Variants in SEMA6D observed in about 807,000 individuals in gnomAD.
SEMA6D encodes semaphorin-6D.
Under a neutral mutation model 106.6 loss-of-function variants are expected in SEMA6D, and 35 were observed. The observed-to-expected ratio is 0.33, with a 90% CI of 0.25 to 0.44. SEMA6D has a LOEUF of 0.44. SEMA6D is among the 20% of genes least tolerant of loss of function. The probability of loss-of-function intolerance (pLI) is 1.00; values close to 1 mark genes in which losing one functional copy is unlikely to be tolerated. For missense variants in SEMA6D, 1,185 were observed against 1,345.9 expected (o/e 0.88, Z 1.87); for synonymous variants, 499 against 487.7 (o/e 1.02, Z -0.31).
chr15:47,400,722 A>G (rs1258597049), intron 1 of SEMA6D, among the ~76,000 whole-genome samples: 1 of 152,200 alleles, frequency 6.6e-6, no homozygotes, highest in Non-Finnish European at 1.5e-5. Flanking sequence ...AGTGTATCAA[A>G]CAACTAGCTG....
intron 2 of SEMA6D, among the ~76,000 whole-genome samples, chr15:47,415,257 G>T (rs889930886): frequency 1.3e-5 from 2 of 152,114 alleles, no homozygotes; most frequent in Non-Finnish European, 2.9e-5. Context: ...AATTGTGTGT[G>T]TATCTATTTT....
chr15:47,322,801 G>A (rs1233294980), intron 1 of SEMA6D, among the ~76,000 whole-genome samples: 3 of 152,060 alleles, frequency 2.0e-5, no homozygotes, highest in East Asian at 1.9e-4. Flanking sequence ...TTCCCAAATG[G>A]TGATTTTGTA....
intron 1 of SEMA6D, among the ~76,000 whole-genome samples, chr15:47,259,092 T>C (rs375611949): frequency 9.2e-5 from 14 of 152,202 alleles, no homozygotes; most frequent in East Asian, 7.7e-4. Flanking sequence ...TGTGGGAAGC[T>C]TTCTTTGGTT....
intron 4 of SEMA6D, among the ~76,000 whole-genome samples, chr15:47,639,622 C>T (rs12916508): frequency 2.0e-5 from 3 of 152,090 alleles, no homozygotes; most frequent in African/African-American, 7.2e-5. Context: ...CAAACATTAC[C>T]TCAAGCACGT....
At chr15:47,721,662 C>G (rs375856497) in intron 1 of SEMA6D, among the ~76,000 whole-genome samples, 1 of 152,196 alleles carries the variant, frequency 6.6e-6, no homozygotes, top group African/African-American at 2.4e-5. Context: ...TTTCTCCCAA[C>G]AGGAAAACTA....
chr15:47,226,999 C>A (rs1479378718), intron 1 of SEMA6D, among the ~76,000 whole-genome samples: 3 of 151,986 alleles, frequency 2.0e-5, no homozygotes, highest in African/African-American at 7.2e-5. Flanking sequence ...TATTCCCAAA[C>A]AAGCTTTTCC....
chr15:47,552,900 A>ATTTTTT lies in SEMA6D; in HGVS notation c.-86-47964_-86-47963insTTTTTT, dbSNP rs1566883145. 5.0e-3 allele frequency among the ~76,000 whole-genome samples: 513 copies of ATTTTTT among 102,248 alleles called. 25 individuals carry two copies. The highest frequency in any genetic ancestry group is 8.4e-3 in the Non-Finnish European group (453 of 53,964). The allele number at this position is 102,248 out of a possible 152,430, so 67.1% of individuals were successfully genotyped here. On this transcript the variant is annotated intron_variant, in intron 3 of 19. Transcript: ENST00000558014. ...TATATAAATATATATAAATATATAT[A>ATTTTTT]TATATAAATATATATATATTTGAGA...
At chr15:47,706,139 G>A (rs1179946261) in intron 4 of SEMA6D, among the ~76,000 whole-genome samples, 2 of 152,144 alleles carry the variant, frequency 1.3e-5, no homozygotes, top group Non-Finnish European at 2.9e-5. Flanking sequence ...TGCTAAAGTG[G>A]GATCTTGAGA....
rs202139404 is a variant in SEMA6D at position 47,494,741 on chromosome 15, G to GATATATATAT, written c.-87+24236_-87+24245dup. Among the ~76,000 whole-genome samples the GATATATATAT allele has an allele frequency of 1.9e-3, 64 of 32,968 alleles. 1 individual carries two copies. The highest frequency in any genetic ancestry group is 4.6e-3 in the East Asian group (6 of 1,318). The allele number at this position is 32,968 out of a possible 152,430, so 21.6% of individuals were successfully genotyped here. ...TTAAAAATCTGGAGAGTGGGATGGA[G>GATATATATAT]ATATATATATATATATATATATATA... On this transcript the variant is annotated intron_variant, in intron 3 of 19. Transcript: ENST00000558014.
At chr15:47,702,343 C>A (rs2078828728) in intron 4 of SEMA6D, among the ~76,000 whole-genome samples, 2 of 152,150 alleles carry the variant, frequency 1.3e-5, no homozygotes. Flanking sequence ...ATTAGAATGA[C>A]CAAAATTCAG....
chr15:47,198,347 T>C (rs2141036844), intron 1 of SEMA6D, among the ~76,000 whole-genome samples: 1 of 152,296 alleles, frequency 6.6e-6, no homozygotes, highest in Admixed American at 6.5e-5. Flanking sequence ...ATATGACAAC[T>C]CTGTGAGGTA....
intron 4 of SEMA6D, among the ~76,000 whole-genome samples, chr15:47,707,674 A>C (rs1017515143): frequency 1.3e-5 from 2 of 152,158 alleles, no homozygotes; most frequent in African/African-American, 4.8e-5. Context: ...CTGGATAAAA[A>C]CTGGATTTCC....
In SEMA6D at chr15:47,771,374, C is replaced by T. The variant is rs1234792518; in HGVS notation, c.2811C>T (p.Pro937=). Residue 937 remains proline, a synonymous_variant, in exon 19 of 19, where the codon CCC becomes CCT. Coordinates refer to ENST00000536845, the MANE Select transcript of SEMA6D (RefSeq NM_001358351.3). ...ASLYSPPSTL[P]RNSPTKRVDV... ...TATACTCCCCTCCTTCAACTCTCCC[C>T]AGAAATAGCCCAACCAAGCGAGTGG... The T allele has an allele frequency of 3.1e-6, 5 of 1,613,906 alleles. No homozygotes were observed. The highest frequency in any genetic ancestry group is 4.2e-6 in the Non-Finnish European group (5 of 1,179,986).
At chr15:47,277,248 T>A (rs1298361154) in intron 1 of SEMA6D, among the ~76,000 whole-genome samples, 1 of 152,138 alleles carries the variant, frequency 6.6e-6, no homozygotes, top group East Asian at 1.9e-4. Flanking sequence ...CAAATACAGT[T>A]AACAAAGCAG....
intron 1 of SEMA6D, among the ~76,000 whole-genome samples, chr15:47,398,521 A>G (rs1334572624): frequency 6.6e-6 from 1 of 151,898 alleles, no homozygotes; most frequent in African/African-American, 2.4e-5. Context: ...TTTTGTGGGC[A>G]TTTTTTTTAA....
At chr15:47,270,115 CAT>C (rs1450090948) in intron 1 of SEMA6D, among the ~76,000 whole-genome samples, 4 of 148,272 alleles carry the variant, frequency 2.7e-5, no homozygotes, top group African/African-American at 9.8e-5. Context: ...TTTTATTTAA[CAT>C]GTTTATTAAA....
At chr15:47,210,455 A>T (rs367931206) in intron 1 of SEMA6D, among the ~76,000 whole-genome samples, 3 of 148,600 alleles carry the variant, frequency 2.0e-5, no homozygotes, top group East Asian at 2.0e-4. Context: ...GAATTGCTCT[A>T]TTTTTTTTTT....
At chr15:47,602,720 T>G (rs2076689121) in intron 4 of SEMA6D, among the ~76,000 whole-genome samples, 1 of 152,136 alleles carries the variant, frequency 6.6e-6, no homozygotes, top group African/African-American at 2.4e-5. Context: ...TCATTATTGC[T>G]TCAGAGACCT....
rs540721367 is a variant in SEMA6D, at chr15:47,239,507, A to G, written c.-239+55089A>G. 7.2e-5 allele frequency among the ~76,000 whole-genome samples: 11 copies of G among 152,248 alleles called. No homozygotes were observed. In the South Asian group the frequency reaches 1.9e-3, roughly 26 times the overall value. On this transcript the variant is annotated intron_variant, in intron 1 of 19. Coordinates refer to the SEMA6D transcript ENST00000558014. ...GGACAACTGCTTTAATAGAAATCCT[A>G]CTTCCCAAATGCTTCCCATATTATT...
Sources: allele counts gnomAD v4.1 joint callset (sites outside exome capture counted in the v4.1 genomes callset), GRCh38; gene constraint gnomAD v4.1.1; transcripts MANE v1.5; gene names NCBI Gene and HGNC (gene_info 2026-07-23, HGNC 2026-07-21).